Variants in UNC5C observed in about 807,000 individuals in gnomAD.
The protein encoded by UNC5C is netrin receptor UNC5C.
A neutral mutation model predicts 99.8 loss-of-function variants in UNC5C; 47 were observed. The observed-to-expected ratio is 0.47, with a 90% CI of 0.37 to 0.60. The LOEUF (loss-of-function observed/expected upper bound fraction) is 0.60. Among genes scored for constraint, UNC5C ranks in the 20% least tolerant of loss-of-function variants. The probability of loss-of-function intolerance (pLI) is 0.00; values close to 1 mark genes in which losing one functional copy is unlikely to be tolerated. For synonymous variants in UNC5C, 487 were observed against 452.2 expected, an observed-to-expected ratio of 1.08 and a Z score of -0.98; for missense variants, 1,062 against 1,165.9, an observed-to-expected ratio of 0.91 and a Z score of 1.30.
At chr4:95,424,433 C>A (rs1387928338) in intron 1 of UNC5C, among the ~76,000 whole-genome samples, 1 of 150,556 alleles carries the variant, frequency 6.6e-6, no homozygotes, top group African/African-American at 2.4e-5. Flanking sequence ...GTGCTCAATT[C>A]TCTCAGCAAC....
At chr4:95,429,873 T>A (rs150097522) in intron 1 of UNC5C, among the ~76,000 whole-genome samples, 1 of 152,176 alleles carries the variant, frequency 6.6e-6, no homozygotes, top group African/African-American at 2.4e-5. Flanking sequence ...GGAGGAAACT[T>A]ACATGCATAC....
At chr4:95,279,307 C>T (rs1740969773) in intron 3 of UNC5C, among the ~76,000 whole-genome samples, 1 of 152,154 alleles carries the variant, frequency 6.6e-6, no homozygotes, top group Non-Finnish European at 1.5e-5. Context: ...GCTCACATAT[C>T]CCAGGCATCT....
intron 1 of UNC5C, among the ~76,000 whole-genome samples, chr4:95,354,479 A>ATTTTT (rs1553965987): frequency 1.8e-5 from 2 of 110,340 alleles, no homozygotes; most frequent in African/African-American, 8.1e-5. Context: ...ATATATATAT[A>ATTTTT]TTTTTTTTTT....
intron 1 of UNC5C, among the ~76,000 whole-genome samples, chr4:95,466,865 C>T (rs1166570801): frequency 2.0e-5 from 3 of 152,186 alleles, no homozygotes; most frequent in Admixed American, 1.3e-4. Context: ...GAGGTGGAGT[C>T]TAACTTCATT....
chr4:95,287,895 G>A (rs1022128969), intron 3 of UNC5C, among the ~76,000 whole-genome samples: 1 of 152,026 alleles, frequency 6.6e-6, no homozygotes, highest in Non-Finnish European at 1.5e-5. Flanking sequence ...ATAAATCTTG[G>A]TGCTTGGTGC....
chr4:95,494,428 A>G (rs1387928275), intron 1 of UNC5C, among the ~76,000 whole-genome samples: 1 of 151,432 alleles, frequency 6.6e-6, no homozygotes. Context: ...TTAGACCAAG[A>G]GGCCCCATAA....
chr4:95,417,391 A>G (rs1413873243), intron 1 of UNC5C, among the ~76,000 whole-genome samples: 1 of 152,178 alleles, frequency 6.6e-6, no homozygotes, highest in East Asian at 1.9e-4. Context: ...TATCATTATT[A>G]ATAAACTTCT....
chr4:95,444,367 G>A (rs762575718), intron 1 of UNC5C, among the ~76,000 whole-genome samples: 21 of 144,844 alleles, frequency 1.4e-4, no homozygotes, highest in Non-Finnish European at 2.8e-4. Flanking sequence ...GTCTCGCTCT[G>A]TCGCCCAGGC....
rs562153108 is a variant in UNC5C at position 95,254,362 on chromosome 4, C to T, written c.595-3695G>A. Reference sequence around the variant, plus strand: ...TCTAGGCCAAAGGTTTTCAACTCCGCTTCACAATAGAATAATGTGGAAAAC... The same window carrying T: ...TCTAGGCCAAAGGTTTTCAACTCCGTTTCACAATAGAATAATGTGGAAAAC... On this transcript the variant is annotated intron_variant, in intron 4 of 15. Coordinates refer to ENST00000453304, the MANE Select transcript of UNC5C (RefSeq NM_003728.4). Among the ~76,000 whole-genome samples, 8 of 152,286 alleles carry T rather than the reference C, an allele frequency of 5.3e-5. No individual in the cohort carries two copies. In the East Asian group the frequency reaches 1.4e-3, roughly 26 times the overall value.
intron 12 of UNC5C, among the ~76,000 whole-genome samples, chr4:95,197,605 G>A (rs1334623896): frequency 6.6e-6 from 1 of 152,082 alleles, no homozygotes; most frequent in Admixed American, 6.5e-5. Context: ...TAGGCAAGAT[G>A]CGGGCTTTAA....
At chr4:95,330,703 C>A (rs987881560) in intron 2 of UNC5C, among the ~76,000 whole-genome samples, 1 of 151,990 alleles carries the variant, frequency 6.6e-6, no homozygotes, top group African/African-American at 2.4e-5. Context: ...ACTTTCTTCA[C>A]TATTTTTGTA....
chr4:95,266,799 A>G (rs1249534215), intron 4 of UNC5C, among the ~76,000 whole-genome samples: 1 of 152,150 alleles, frequency 6.6e-6, no homozygotes, highest in Non-Finnish European at 1.5e-5. Flanking sequence ...ATTTTTATTT[A>G]TTTACAGTAT....
chr4:95,333,248 G>T (rs1743194519), intron 2 of UNC5C, among the ~76,000 whole-genome samples: 1 of 152,114 alleles, frequency 6.6e-6, no homozygotes, highest in African/African-American at 2.4e-5. Context: ...TATAAATCAT[G>T]CTGCTATAAA....
At chr4:95,453,673 A>G (rs1012683541) in intron 1 of UNC5C, among the ~76,000 whole-genome samples, 1 of 152,022 alleles carries the variant, frequency 6.6e-6, no homozygotes, top group African/African-American at 2.4e-5. Flanking sequence ...TAAGCATTAC[A>G]GTTTGAAAAA....
chr4:95,372,401 T>C (rs1744773547), intron 1 of UNC5C, among the ~76,000 whole-genome samples: 1 of 152,206 alleles, frequency 6.6e-6, no homozygotes. Flanking sequence ...GCAAACCCAC[T>C]GACACAAATG....
chr4:95,369,997 T>A (rs1327647857), intron 1 of UNC5C, among the ~76,000 whole-genome samples: 1 of 152,052 alleles, frequency 6.6e-6, no homozygotes, highest in Admixed American at 6.5e-5. Context: ...CAGGATATAG[T>A]TTTAGAGGTA....
At chr4:95,547,916 C>G (rs1368755917) in intron 1 of UNC5C, among the ~76,000 whole-genome samples, 1 of 152,214 alleles carries the variant, frequency 6.6e-6, no homozygotes. Flanking sequence ...CCCAGGGCCC[C>G]GGTCACTTAT....
rs541903962 is a variant in UNC5C, at chr4:95,329,439, T to C, written c.346+5971A>G. ...CTAGGTTTGTAACTAATCAGTGAAA[T>C]CTATATACCTTTCAATATTGATGGT... On this transcript the variant is annotated intron_variant, in intron 2 of 15. Transcript: ENST00000453304. 1.1e-4 allele frequency among the ~76,000 whole-genome samples: 17 copies of C among 152,304 alleles called. No homozygotes were observed. The South Asian group carries it at 1.2e-3, about 11-fold the overall frequency.
At chr4:95,242,168 C>T (rs1274350356) in intron 7 of UNC5C, among the ~76,000 whole-genome samples, 1 of 152,100 alleles carries the variant, frequency 6.6e-6, no homozygotes, top group African/African-American at 2.4e-5. Context: ...TAATGGTTCC[C>T]TTCCATATAA....
Sources: allele counts gnomAD v4.1 joint callset (sites outside exome capture counted in the v4.1 genomes callset), GRCh38; gene constraint gnomAD v4.1.1; transcripts MANE v1.5; gene names NCBI Gene and HGNC (gene_info 2026-07-23, HGNC 2026-07-21).